The following CACNA2D3 variants were observed in gnomAD, a reference collection of about 807,000 sequenced individuals.
CACNA2D3 encodes the protein voltage-dependent calcium channel subunit alpha-2/delta-3.
Under a neutral mutation model 160.6 loss-of-function variants are expected in CACNA2D3, and 60 were observed. The ratio of observed to expected loss-of-function variants is 0.37; its 90% CI spans 0.30 to 0.46. CACNA2D3 has a LOEUF of 0.46. Ranked by LOEUF, CACNA2D3 falls within the 20% of genes least tolerant of loss-of-function variation. The pLI is 1.00. For synonymous variants in CACNA2D3, 558 were observed against 492.9 expected (o/e 1.13, Z -1.75); for missense variants, 1,205 against 1,365.0 (o/e 0.88, Z 1.85).
chr3:54,185,822 A>T (rs562379133), intron 2 of CACNA2D3, among the ~76,000 whole-genome samples: 1 of 152,254 alleles, frequency 6.6e-6, no homozygotes, highest in African/African-American at 2.4e-5. Context: ...AGATCTGATG[A>T]CCTGGTCTGC....
intron 3 of CACNA2D3, among the ~76,000 whole-genome samples, chr3:54,361,411 GA>G (rs1169357613): frequency 2.0e-5 from 3 of 152,118 alleles, no homozygotes; most frequent in African/African-American, 7.2e-5. Flanking sequence ...ATCTAAGAAT[GA>G]CGAATTTTAG....
chr3:54,480,680 T>C (rs972560474), intron 4 of CACNA2D3, among the ~76,000 whole-genome samples: 2 of 152,158 alleles, frequency 1.3e-5, no homozygotes, highest in African/African-American at 4.8e-5. Flanking sequence ...CTTCTAGAGA[T>C]ATTTCTATTT....
At chr3:54,947,712 G>C (rs867863364) in intron 27 of CACNA2D3, among the ~76,000 whole-genome samples, 3 of 152,092 alleles carry the variant, frequency 2.0e-5, no homozygotes, top group Non-Finnish European at 2.9e-5. Context: ...GTCAGGACTC[G>C]GTCTTGGGAA....
chr3:54,910,873 A>G (rs1043180851), intron 27 of CACNA2D3, among the ~76,000 whole-genome samples: 1 of 152,202 alleles, frequency 6.6e-6, no homozygotes, highest in Non-Finnish European at 1.5e-5. Flanking sequence ...TAGTTAGTCC[A>G]AAACCTTTGG....
chr3:54,671,343 G>T (rs970612675), intron 11 of CACNA2D3, among the ~76,000 whole-genome samples: 1 of 151,982 alleles, frequency 6.6e-6, no homozygotes, highest in Admixed American at 6.6e-5. Flanking sequence ...AGAGACACCT[G>T]GGCTGCTTGG....
At chr3:54,654,600 G>A (rs376984400) in intron 11 of CACNA2D3, among the ~76,000 whole-genome samples, 2 of 152,110 alleles carry the variant, frequency 1.3e-5, no homozygotes, top group African/African-American at 4.8e-5. Context: ...TAGAAGCTTG[G>A]GGGAGAAGCT....
At chr3:54,400,555 C>T (rs941171173) in intron 4 of CACNA2D3, among the ~76,000 whole-genome samples, 1 of 152,134 alleles carries the variant, frequency 6.6e-6, no homozygotes, top group South Asian at 2.1e-4. Context: ...TCACCAAGGA[C>T]CCTGACAGCC....
At chr3:54,793,984 C>G (rs1702813929) in intron 13 of CACNA2D3, among the ~76,000 whole-genome samples, 1 of 152,050 alleles carries the variant, frequency 6.6e-6, no homozygotes, top group South Asian at 2.1e-4. Context: ...TTCATTTCAT[C>G]TAAGTTATTG....
chr3:54,717,953 C>T (rs72872261), intron 11 of CACNA2D3, among the ~76,000 whole-genome samples: 2,603 of 152,126 alleles, frequency 0.017, 79 homozygotes, highest in African/African-American at 0.06. Flanking sequence ...CCTGTGATCA[C>T]TAATGTTGAT....
intron 32 of CACNA2D3, 140 bp from the exon 33 acceptor site, chr3:55,007,650 C>T: frequency 1.7e-6 from 1 of 599,198 alleles, no homozygotes; most frequent in South Asian, 2.2e-5. Context: ...ATTTTCTTCA[C>T]TTAGCTAGAA....
At chr3:54,275,096 C>T (rs996071875) in intron 2 of CACNA2D3, among the ~76,000 whole-genome samples, 10 of 152,226 alleles carry the variant, frequency 6.6e-5, no homozygotes, top group South Asian at 2.1e-4. Flanking sequence ...GACTGCATGC[C>T]GTCTTGGGCA....
chr3:54,549,165 G>T (rs1193166629), intron 5 of CACNA2D3, among the ~76,000 whole-genome samples: 1 of 152,158 alleles, frequency 6.6e-6, no homozygotes, highest in African/African-American at 2.4e-5. Flanking sequence ...ACAAACAACA[G>T]GCCAGGCATG....
chr3:54,302,401 G>C (rs966983478), intron 2 of CACNA2D3, among the ~76,000 whole-genome samples: 4 of 152,146 alleles, frequency 2.6e-5, no homozygotes, highest in Non-Finnish European at 5.9e-5. Context: ...TTACCATTCA[G>C]GTATTTGGAA....
intron 3 of CACNA2D3, among the ~76,000 whole-genome samples, chr3:54,347,569 A>G (rs80094305): frequency 0.054 from 8,263 of 152,188 alleles, 310 homozygotes; most frequent in Middle Eastern, 0.11. Flanking sequence ...ACTTATTTCT[A>G]TATTAAACAT....
intron 27 of CACNA2D3, among the ~76,000 whole-genome samples, chr3:54,964,921 C>T (rs1398724772): frequency 6.6e-6 from 1 of 151,944 alleles, no homozygotes; most frequent in Non-Finnish European, 1.5e-5. Context: ...CTCATTCTCC[C>T]ATTTCCCATT....
intron 3 of CACNA2D3, among the ~76,000 whole-genome samples, chr3:54,339,576 G>C (rs1423205673): frequency 6.6e-6 from 1 of 152,148 alleles, no homozygotes; most frequent in Non-Finnish European, 1.5e-5. Flanking sequence ...TGTGTGTTTA[G>C]TTCACCCAGG....
intron 9 of CACNA2D3, among the ~76,000 whole-genome samples, chr3:54,604,085 TTAA>T (rs774320167): frequency 2.6e-5 from 4 of 152,132 alleles, no homozygotes; most frequent in Non-Finnish European, 4.4e-5. Context: ...CATCAGTATA[TTAA>T]TATTTGGATT....
chr3:54,569,875 C>G lies in CACNA2D3; in HGVS notation c.737+20C>G. 6.2e-7 allele frequency: 1 copy of G among 1,611,350 alleles called. No individual in the cohort carries two copies. Among genetic ancestry groups the G allele is most frequent in the South Asian group, 1.1e-5 (1 of 90,672 alleles). On this transcript the variant is annotated intron_variant, in intron 7 of 37. Coordinates refer to ENST00000474759, the MANE Select transcript of CACNA2D3 (RefSeq NM_018398.3). Reference sequence around the variant, plus strand: ...AAAATGGTAGGCAGTGGTCAGACCTCTTTGTTATTTCTCAAAGAGATATCT... The same window carrying G: ...AAAATGGTAGGCAGTGGTCAGACCTGTTTGTTATTTCTCAAAGAGATATCT...
chr3:54,648,180 A>G (rs1439721748), intron 11 of CACNA2D3, among the ~76,000 whole-genome samples: 1 of 152,258 alleles, frequency 6.6e-6, no homozygotes, highest in East Asian at 1.9e-4. Context: ...TCCATGTGCC[A>G]AATCTGGCCC....
Sources: gnomAD v4.1 joint callset for allele counts (sites outside exome capture counted in the v4.1 genomes callset) on GRCh38, gnomAD v4.1.1 for gene constraint, MANE v1.5 for transcripts, NCBI Gene and HGNC (gene_info 2026-07-23, HGNC 2026-07-21) for gene names.